P2RX1: variants seen among roughly 807,000 people sequenced by gnomAD.
P2RX1 encodes purinergic receptor P2X 1.
A neutral mutation model predicts 50.3 loss-of-function variants in P2RX1; 42 were observed. That is an observed-to-expected ratio of 0.83 (90% CI 0.65 to 1.08). P2RX1 has a LOEUF of 1.08. Among genes scored for constraint, P2RX1 ranks in the 50% least tolerant of loss-of-function variants. The pLI, the probability that P2RX1 is intolerant of heterozygous loss-of-function variation, is 0.00. For missense variants in P2RX1, 449 were observed against 529.0 expected (o/e 0.85, Z 1.48); for synonymous variants, 199 against 202.6 (o/e 0.98, Z 0.15).
chr17:3,911,395 G>A (rs1029690373), intron 1 of P2RX1, among the ~76,000 whole-genome samples: 4 of 152,070 alleles, frequency 2.6e-5, no homozygotes, highest in Non-Finnish European at 5.9e-5. Flanking sequence ...CTCTTGAGAC[G>A]TCGGAAGCTC....
rs537222930 is a variant in P2RX1 at position 3,909,293 on chromosome 17, G to A, written c.138-3926C>T. On this transcript the variant is annotated intron_variant, in intron 1 of 11. Transcript: ENST00000225538. The stretch of plus-strand genomic sequence containing the variant: ...GATCCGCCCGCCTCGGCCTCCCAAG[G>A]TGCTGGGATTACAGGCGGGAGCCAC... Among the ~76,000 whole-genome samples the A allele has an allele frequency of 3.4e-3, 524 of 152,104 alleles. 2 individuals are homozygous for A. The highest frequency in any genetic ancestry group is 0.012 in the African/African-American group (501 of 41,504).
intron 7 of P2RX1, among the ~76,000 whole-genome samples, chr17:3,902,284 C>T (rs1184126030): frequency 6.6e-6 from 1 of 151,440 alleles, no homozygotes; most frequent in Non-Finnish European, 1.5e-5. Flanking sequence ...CGCCACCACA[C>T]CCAGATAATT....
intron 1 of P2RX1, chr17:3,915,408 C>A (rs75271826): frequency 0.011 from 5,008 of 454,880 alleles, 45 homozygotes; most frequent in Non-Finnish European, 0.016. Context: ...CTCTGCCAGG[C>A]CTGTCTTGGC....
chr17:3,902,984 C>A (rs528007342), intron 7 of P2RX1, among the ~76,000 whole-genome samples: 184 of 151,530 alleles, frequency 1.2e-3, no homozygotes, highest in African/African-American at 4.4e-3. Flanking sequence ...GGTCTGCCCA[C>A]ATCCGTTCAT....
chr17:3,900,849 A>G (rs1379790507), intron 7 of P2RX1, among the ~76,000 whole-genome samples: 1 of 152,182 alleles, frequency 6.6e-6, no homozygotes, highest in Non-Finnish European at 1.5e-5. Context: ...GCAGACAATT[A>G]CTGCATTAAT....
rs1050345340 is a variant in P2RX1 at position 3,905,040 on chromosome 17, C to T, written c.286-111G>A. On this transcript the variant is annotated intron_variant, in intron 2 of 11. Coordinates refer to ENST00000225538, the MANE Select transcript of P2RX1 (RefSeq NM_002558.4). ...CCCCTAGAGCCCACAGGACACGCAG[C>T]AGCCACCACACCCCCTGCCACCAAC... 6 of 1,112,840 alleles carry T rather than the reference C, an allele frequency of 5.4e-6. No individual in the cohort carries two copies. The South Asian group carries it at 8.2e-5, about 15-fold the overall frequency. The allele number at this position is 1,112,840 out of a possible 1,614,324, so 68.9% of individuals were successfully genotyped here. A position where few individuals can be genotyped will look rare whatever the true frequency, so the allele number is the denominator to read the frequency against.
Position 3,897,863 on chromosome 17 carries a change from G to A in P2RX1, c.1151C>T (p.Ala384Val), listed in dbSNP as rs1567647066. 1.2e-6 allele frequency: 2 copies of A among 1,613,874 alleles called. No homozygotes were observed. The highest frequency in any genetic ancestry group is 1.3e-5 in the African/African-American group (1 of 75,030). Residue 384 changes from alanine (A) to valine (V), a missense_variant, in exon 12 of 12, where the codon GCA becomes GTA. Coordinates refer to ENST00000225538, the MANE Select transcript of P2RX1 (RefSeq NM_002558.4). ...MGPGAAERDL[A>V]ATSSTLGLQE... is the part of the protein sequence containing the mutation. ...CAGGCCCAGGGTGGAGCTGGTAGCT[G>A]CGAGGTCACGCTCAGCCTGTGTACG...
Position 3,897,821 on chromosome 17 carries a change from G to A in P2RX1, c.1193C>T (p.Thr398Ile). The A allele has an allele frequency of 1.2e-6, 2 of 1,613,008 alleles. No individual in the cohort carries two copies. Among genetic ancestry groups the A allele is most frequent in the South Asian group, 1.1e-5 (1 of 91,032 alleles). ...GGAGTTGGGGCCCGAGCATCAGGAT[G>A]TCCTCATGTTCTCCTGCAGGCCCAG... ...STLGLQENMR[T>I]S Residue 398 changes from threonine to isoleucine, a missense_variant, in exon 12 of 12, where the codon ACA becomes ATA. Physicochemically the swap from Thr to Ile is moderately conservative, Grantham distance 89 (BLOSUM62 -1). Transcript: ENST00000225538.
rs1330168334 is a variant in P2RX1, at chr17:3,903,650, A to C, written c.525-19T>G. 6.2e-7 allele frequency: 1 copy of C among 1,612,026 alleles called. No homozygotes were observed. Among genetic ancestry groups the C allele is most frequent in the Non-Finnish European group, 8.5e-7 (1 of 1,178,596 alleles). On this transcript the variant is annotated intron_variant, in intron 5 of 11. Coordinates refer to ENST00000225538, the MANE Select transcript of P2RX1 (RefSeq NM_002558.4). This position sits in a 1 kb window ranked among gnomAD's most constrained non-coding sequence, Gnocchi z 4.6. Reference sequence around the variant, plus strand: ...GGCAGGGCTGGAGGACACCACACGCACTCACCGCCCCTCCCCAGGAGGCCC... The same window carrying C: ...GGCAGGGCTGGAGGACACCACACGCCCTCACCGCCCCTCCCCAGGAGGCCC...
intron 7 of P2RX1, among the ~76,000 whole-genome samples, chr17:3,901,106 C>T (rs1425258471): frequency 6.6e-6 from 1 of 151,944 alleles, no homozygotes; most frequent in African/African-American, 2.4e-5. Flanking sequence ...CTTGCTCTGT[C>T]ACCCAGACTG....
chr17:3,906,602 T>C (rs1812733627), intron 1 of P2RX1, among the ~76,000 whole-genome samples: 1 of 152,228 alleles, frequency 6.6e-6, no homozygotes, highest in Non-Finnish European at 1.5e-5. Flanking sequence ...GGTGGTCCTC[T>C]GGAGGGCTTG....
intron 7 of P2RX1, among the ~76,000 whole-genome samples, 171 bp from the exon 8 acceptor site, chr17:3,899,932 C>T (rs1222890433): frequency 1.3e-5 from 2 of 152,002 alleles, no homozygotes; most frequent in Non-Finnish European, 2.9e-5. Context: ...GAAAACCCGT[C>T]TCTACTAAAA....
In P2RX1 at chr17:3,903,971, T is replaced by C. The variant is rs1321163956; in HGVS notation, c.481A>G (p.Ile161Val). 3 of 1,613,928 alleles carry C rather than the reference T, an allele frequency of 1.9e-6. No homozygotes were observed. Among genetic ancestry groups the C allele is most frequent in the Non-Finnish European group, 2.5e-6 (3 of 1,179,976 alleles). Residue 161 changes from isoleucine (I) to valine (V), a missense_variant, in exon 5 of 12, where the codon ATC becomes GTC. Ile to Val is a conservative substitution (Grantham distance 29). Coordinates refer to ENST00000225538, the MANE Select transcript of P2RX1 (RefSeq NM_002558.4). This position sits in a 1 kb window ranked among gnomAD's most constrained non-coding sequence, Gnocchi z 4.6. ...ACCTCCACGGGGCACCAGCCAAAGA[T>C]CTCACACGTCTTCACAGTGTCGTTG... is the stretch of plus-strand genomic sequence containing the variant. The part of the protein sequence containing the change: ...AFNDTVKTCE[I>V]FGWCPVEVDD...
In P2RX1 at chr17:3,897,858, T is replaced by C. The variant is rs376109979; in HGVS notation, c.1156A>G (p.Thr386Ala). ...PGAAERDLAATSSTLGLQENM... is the reference protein window; with the variant it reads ...PGAAERDLAAASSTLGLQENM... ...TCCTGCAGGCCCAGGGTGGAGCTGGTAGCTGCGAGGTCACGCTCAGCCTGT... is the reference window on the plus strand; with the variant it reads ...TCCTGCAGGCCCAGGGTGGAGCTGGCAGCTGCGAGGTCACGCTCAGCCTGT... Residue 386 changes from threonine (T) to alanine (A), a missense_variant, in exon 12 of 12, where the codon ACC becomes GCC. Coordinates refer to ENST00000225538, the MANE Select transcript of P2RX1 (RefSeq NM_002558.4). 3 of 1,613,666 alleles carry C rather than the reference T, an allele frequency of 1.9e-6. No homozygotes were observed. The highest frequency in any genetic ancestry group is 2.5e-6 in the Non-Finnish European group (3 of 1,180,030).
chr17:3,912,052 G>A (rs77376329), intron 1 of P2RX1, among the ~76,000 whole-genome samples: 6,047 of 152,298 alleles, frequency 0.04, 329 homozygotes, highest in African/African-American at 0.13. Flanking sequence ...GCTGGTGGCC[G>A]TTTCACCACT....
intron 1 of P2RX1, 134 bp downstream of exon 1, chr17:3,915,955 G>T: frequency 9.3e-7 from 1 of 1,075,644 alleles, no homozygotes; most frequent in Non-Finnish European, 1.4e-6. Flanking sequence ...TTCTCGCACA[G>T]TGGCTTGCCA....
intron 1 of P2RX1, among the ~76,000 whole-genome samples, chr17:3,912,283 G>A (rs185257986): frequency 8.2e-4 from 125 of 152,060 alleles, no homozygotes; most frequent in Non-Finnish European, 1.5e-3. Context: ...ATAAACCACC[G>A]GATACCCCCA....
chr17:3,904,047 G>C (rs1486678211), intron 4 of P2RX1, 23 bp from the exon 5 acceptor site: 12 of 1,597,848 alleles, frequency 7.5e-6, no homozygotes, highest in Non-Finnish European at 1.0e-5. Flanking sequence ...GGAAACCCCT[G>C]GGTGCCTGCA....
Position 3,903,416 on chromosome 17 carries a change from G to A in P2RX1, c.606-73C>T. On this transcript the variant is annotated intron_variant, in intron 6 of 11. Transcript: ENST00000225538. This position sits in a 1 kb window ranked among gnomAD's most constrained non-coding sequence, Gnocchi z 4.6. ...GTGCCCACCACGCCCCAAAGCCTGG[G>A]GACCCCTCACAGGCTCCACATTGCC... 6.2e-7 allele frequency: 1 copy of A among 1,606,580 alleles called. No individual in the cohort carries two copies. Among genetic ancestry groups the A allele is most frequent in the African/African-American group, 1.3e-5 (1 of 74,858 alleles).
Sources: allele counts gnomAD v4.1 joint callset (sites outside exome capture counted in the v4.1 genomes callset), GRCh38; gene constraint gnomAD v4.1.1; non-coding constraint Gnocchi (gnomAD v3.1); transcripts MANE v1.5; gene names NCBI Gene and HGNC (gene_info 2026-07-23, HGNC 2026-07-21).